UBE2T: variants seen among roughly 807,000 people sequenced by gnomAD.
The protein encoded by UBE2T is ubiquitin-conjugating enzyme E2 T.
Under a neutral mutation model 23.3 loss-of-function variants are expected in UBE2T, and 15 were observed. The observed-to-expected ratio is 0.64, with a 90% CI of 0.43 to 0.99. The LOEUF is 0.99. UBE2T is among the 50% of genes least tolerant of loss of function. UBE2T has a pLI of 0.00. For synonymous variants in UBE2T, 67 were observed against 78.4 expected (o/e 0.85, Z 0.77); for missense variants, 197 against 234.9 (o/e 0.84, Z 1.05).
rs767089663 is a variant in UBE2T, at chr1:202,335,795, AC to A, written c.-42del. On this transcript the variant is annotated 5_prime_UTR_variant, in exon 2 of 7. Transcript: ENST00000646651. The surrounding 1 kb of genome is among the most constrained non-coding windows in gnomAD (Gnocchi z 4.0). ...GGAACCACACACAGTTCACTGCTCC[AC>A]ACTAAGAGCTGCCTGGGATGCACTG... 6 of 1,579,122 alleles carry A rather than the reference AC, an allele frequency of 3.8e-6. No individual in the cohort carries two copies. In the African/African-American group the frequency reaches 8.1e-5, roughly 21 times the overall value.
chr1:202,332,765 G>A (rs1001415808), intron 6 of UBE2T, among the ~76,000 whole-genome samples: 48 of 149,280 alleles, frequency 3.2e-4, no homozygotes, highest in Non-Finnish European at 5.2e-4. Flanking sequence ...AAAATTAGCC[G>A]GGCGTAGTGG....
At chr1:202,339,417 T>A (rs761001324) in intron 1 of UBE2T, among the ~76,000 whole-genome samples, 1 of 152,018 alleles carries the variant, frequency 6.6e-6, no homozygotes, top group Non-Finnish European at 1.5e-5. Context: ...TTGCTGGGCA[T>A]GTATCAACCA....
At position 202,333,343 on chromosome 1, in the gene UBE2T, C is replaced by T. The variant is rs1197888959; in HGVS notation, c.286-8G>A. 1.9e-6 allele frequency: 3 copies of T among 1,614,104 alleles called. No individual in the cohort carries two copies. Among genetic ancestry groups the T allele is most frequent in the Non-Finnish European group, 2.5e-6 (3 of 1,179,968 alleles). On this transcript the variant is annotated splice_polypyrimidine_tract_variant and splice_region_variant and intron_variant, in intron 4 of 6. Coordinates refer to ENST00000646651, the MANE Select transcript of UBE2T (RefSeq NM_014176.4). ...GGATGGTCTCCAAGCACCCTATATA[C>T]AAACAGATGAACAGTTGCTTTTATA... is the stretch of plus-strand genomic sequence containing the variant.
intron 1 of UBE2T, among the ~76,000 whole-genome samples, chr1:202,337,087 C>A (rs1267249371): frequency 6.6e-6 from 1 of 152,100 alleles, no homozygotes; most frequent in African/African-American, 2.4e-5. Flanking sequence ...GCATTACAGA[C>A]GCCCGCCACC....
intron 1 of UBE2T, among the ~76,000 whole-genome samples, chr1:202,338,821 C>T (rs1654938961): frequency 6.6e-6 from 1 of 151,640 alleles, no homozygotes; most frequent in Non-Finnish European, 1.5e-5. Flanking sequence ...CTGTAGTGAG[C>T]CATGATTGTG....
At chr1:202,334,848 A>G (rs1654846054) in intron 3 of UBE2T, 141 bp downstream of exon 3, 1 of 679,454 alleles carries the variant, frequency 1.5e-6, no homozygotes, top group African/African-American at 1.8e-5. Flanking sequence ...GAGAGAGAAA[A>G]TAACTTGGTC....
chr1:202,331,906 G>T lies in UBE2T; in HGVS notation c.523C>A (p.His175Asn). The change falls in exon 7 of 7, where the codon CAC becomes AAC. Residue 175 changes from histidine to asparagine, a missense_variant. Physicochemically the swap from His to Asn is moderately conservative, Grantham distance 68. Transcript: ENST00000646651. ...GCCTTCCTTTTCTGTGTTGAGTTGT[G>T]TACTCTGGAGTCACCAGCCTCTGGT... ...NLPEAGDSRV[H>N]NSTQKRKASQ... 1 of 1,614,032 alleles carries T rather than the reference G, an allele frequency of 6.2e-7. No individual in the cohort carries two copies. The highest frequency in any genetic ancestry group is 8.5e-7 in the Non-Finnish European group (1 of 1,179,984).
Position 202,331,963 on chromosome 1 carries a change from A to G in UBE2T, c.469-3T>C. On this transcript the variant is annotated splice_region_variant and splice_polypyrimidine_tract_variant and intron_variant, in intron 6 of 6. Transcript: ENST00000646651. ...TCAAGCATCTCTTCCTCATCAGCCT[A>G]AAGAGGAGACAGGGTGAAACACAGT... 2 of 1,614,036 alleles carry G rather than the reference A, an allele frequency of 1.2e-6. No homozygotes were observed. Among genetic ancestry groups the G allele is most frequent in the African/African-American group, 1.3e-5 (1 of 75,042 alleles).
In UBE2T at chr1:202,331,878, CT is replaced by C. The variant is rs1428462531; in HGVS notation, c.550del (p.Ser184ValfsTer3). ...VHNSTQKRKA[S>X]QLVGIEKKFH... ...TTTCTTTTCTATGCCTACTAGCTGACTGGCCTTCCTTTTCTGTGTTGAGTTG... is the reference window on the plus strand; with the variant it reads ...TTTCTTTTCTATGCCTACTAGCTGACGGCCTTCCTTTTCTGTGTTGAGTTG... On this transcript the variant is annotated frameshift_variant, in exon 7 of 7. Coordinates refer to ENST00000646651, the MANE Select transcript of UBE2T (RefSeq NM_014176.4). LOFTEE classifies it high-confidence loss of function. The C allele has an allele frequency of 6.2e-7, 1 of 1,614,130 alleles. No individual in the cohort carries two copies. Among genetic ancestry groups the C allele is most frequent in the Non-Finnish European group, 8.5e-7 (1 of 1,180,014 alleles).
chr1:202,333,564 G>C lies in UBE2T; in HGVS notation c.180-9C>G. On this transcript the variant is annotated splice_polypyrimidine_tract_variant and intron_variant, in intron 3 of 6. Transcript: ENST00000646651. Reference sequence around the variant, plus strand: ...GAGGTTCAAATGGGTACCTATGAAAGAATAAGACAACAGATAATTTTCATT... The same window carrying C: ...GAGGTTCAAATGGGTACCTATGAAACAATAAGACAACAGATAATTTTCATT... The C allele has an allele frequency of 6.2e-7, 1 of 1,602,120 alleles. No homozygotes were observed. Among genetic ancestry groups the C allele is most frequent in the African/African-American group, 1.3e-5 (1 of 74,642 alleles).
chr1:202,332,929 A>AACAAAAAAAAAAAC (rs1654792302), intron 6 of UBE2T, 81 bp downstream of exon 6: 4 of 458,934 alleles, frequency 8.7e-6, no homozygotes, highest in Admixed American at 5.2e-5. Flanking sequence ...AAAAAAAAAA[A>AACAAAAAAAAAAAC]AAAAAAAAAA....
At chr1:202,333,696 C>A in intron 3 of UBE2T, 141 bp from the exon 4 acceptor site, 1 of 685,638 alleles carries the variant, frequency 1.5e-6, no homozygotes, top group Non-Finnish European at 2.4e-6. Context: ...TTTCTCTCTT[C>A]CTAAATTTTC....
At chr1:202,340,709 C>T (rs1558103051) in intron 1 of UBE2T, among the ~76,000 whole-genome samples, 1 of 152,124 alleles carries the variant, frequency 6.6e-6, no homozygotes, top group Non-Finnish European at 1.5e-5. Flanking sequence ...AGAGGGTTGA[C>T]TGTACAGTAA....
intron 6 of UBE2T, 84 bp downstream of exon 6, chr1:202,332,926 A>AAAAAAAAAAAAAAAAAAAAAAAC: frequency 2.3e-6 from 1 of 441,116 alleles, no homozygotes. Context: ...AAAAAAAAAA[A>AAAAAAAAAAAAAAAAAAAAAAAC]AAAAAAAAAA....
Position 202,331,966 on chromosome 1 carries a change from G to A in UBE2T, c.469-6C>T, listed in dbSNP as rs549396728. The A allele has an allele frequency of 5.0e-6, 8 of 1,614,000 alleles. No individual in the cohort carries two copies. In the East Asian group the frequency reaches 1.6e-4, roughly 31 times the overall value. ...AGCATCTCTTCCTCATCAGCCTAAA[G>A]AGGAGACAGGGTGAAACACAGTAAG... is the stretch of plus-strand genomic sequence containing the variant. On this transcript the variant is annotated splice_region_variant and splice_polypyrimidine_tract_variant and intron_variant, in intron 6 of 6. Transcript: ENST00000646651.
In UBE2T at chr1:202,334,094, C is replaced by G. The variant is rs116714089; in HGVS notation, c.180-539G>C. Reference sequence around the variant, plus strand: ...TTAAGCTGTTCTCCCAAGACTTTAACAAGTTTGGCCAGGATCTGACCTAGT... The same window carrying G: ...TTAAGCTGTTCTCCCAAGACTTTAAGAAGTTTGGCCAGGATCTGACCTAGT... On this transcript the variant is annotated intron_variant, in intron 3 of 6. Transcript: ENST00000646651. 3.2e-3 allele frequency among the ~76,000 whole-genome samples: 483 copies of G among 152,262 alleles called. 3 individuals are homozygous for G. Among genetic ancestry groups the G allele is most frequent in the African/African-American group, 0.011 (462 of 41,546 alleles).
intron 1 of UBE2T, among the ~76,000 whole-genome samples, chr1:202,337,425 C>T (rs762140792): frequency 6.6e-6 from 1 of 152,170 alleles, no homozygotes; most frequent in Non-Finnish European, 1.5e-5. Context: ...TCCTACATAG[C>T]CTTCAAATAT....
chr1:202,339,500 ACT>A (rs1491490185), intron 1 of UBE2T, among the ~76,000 whole-genome samples: 13 of 150,656 alleles, frequency 8.6e-5, no homozygotes, highest in Non-Finnish European at 1.3e-4. Flanking sequence ...GAGAAAAAAT[ACT>A]TTTTTCTTAA....
At chr1:202,337,052 T>A (rs1334895282) in intron 1 of UBE2T, among the ~76,000 whole-genome samples, 1 of 152,110 alleles carries the variant, frequency 6.6e-6, no homozygotes, top group African/African-American at 2.4e-5. Context: ...CAAGCAATTC[T>A]CTGCCTCAGC....
Sources: allele counts gnomAD v4.1 joint callset (sites outside exome capture counted in the v4.1 genomes callset), GRCh38; gene constraint gnomAD v4.1.1; non-coding constraint Gnocchi (gnomAD v3.1); transcripts MANE v1.5; gene names NCBI Gene and HGNC (gene_info 2026-07-23, HGNC 2026-07-21).